The following NPR3 variants were observed in gnomAD, a reference collection of about 807,000 sequenced individuals.
The protein encoded by NPR3 is atrial natriuretic peptide receptor 3.
A neutral mutation model predicts 54.5 loss-of-function variants in NPR3; 34 were observed. The observed-to-expected ratio is 0.62, with a 90% CI of 0.47 to 0.83. The LOEUF is 0.83. Among genes scored for constraint, NPR3 ranks in the 40% least tolerant of loss-of-function variants. The pLI is 0.00. For missense variants in NPR3, 674 were observed against 720.8 expected, an observed-to-expected ratio of 0.94 and a Z score of 0.74; for synonymous variants, 289 against 297.1, an observed-to-expected ratio of 0.97 and a Z score of 0.28.
At chr5:32,735,850 G>A (rs1023148342) in intron 2 of NPR3, among the ~76,000 whole-genome samples, 16 of 152,174 alleles carry the variant, frequency 1.1e-4, no homozygotes, top group African/African-American at 3.6e-4. Context: ...GCAAGAAGTC[G>A]TAGTATCAGT....
chr5:32,781,484 C>T (rs775731623), intron 5 of NPR3, among the ~76,000 whole-genome samples: 5 of 152,226 alleles, frequency 3.3e-5, no homozygotes, highest in Admixed American at 6.5e-5. Flanking sequence ...GGCATTGCTC[C>T]GGTGCCCTTC....
At position 32,788,941 on chromosome 5, in the gene NPR3, G is replaced by A. The variant is rs989542060; in HGVS notation, c.*2596G>A. 1.3e-5 allele frequency: 2 copies of A among 152,348 alleles called. No homozygotes were observed. The highest frequency in any genetic ancestry group is 2.1e-4 in the South Asian group (1 of 4,836). The allele number at this position is 152,348 out of a possible 1,614,324, so 9.4% of individuals were successfully genotyped here. On this transcript the variant is annotated 3_prime_UTR_variant, in exon 8 of 8. Transcript: ENST00000265074. ...TAAGTTGGAAACCTTGGTTAAAAAT[G>A]TAGGTGCCTGGCCCATGGTTACCCT...
At chr5:32,760,732 T>C (rs2112012089) in intron 3 of NPR3, among the ~76,000 whole-genome samples, 1 of 152,192 alleles carries the variant, frequency 6.6e-6, no homozygotes, top group Admixed American at 6.5e-5. Context: ...GGTATCATCT[T>C]TAATAAAAAT....
At chr5:32,725,024 A>G (rs1288998987) in intron 2 of NPR3, among the ~76,000 whole-genome samples, 1 of 152,232 alleles carries the variant, frequency 6.6e-6, no homozygotes, top group East Asian at 1.9e-4. Context: ...ATGCAGGAAC[A>G]GAAAATCAAA....
chr5:32,783,264 A>C, intron 6 of NPR3: 1 of 414,480 alleles, frequency 2.4e-6, no homozygotes, highest in Non-Finnish European at 4.2e-6. Context: ...ATCTCTTACT[A>C]TAATCTCTTG....
intron 3 of NPR3, among the ~76,000 whole-genome samples, chr5:32,747,743 G>T (rs1005099347): frequency 2.2e-4 from 33 of 149,888 alleles, no homozygotes; most frequent in African/African-American, 8.1e-4. Flanking sequence ...TTTTGAAGAA[G>T]AAAGGAGGCA....
chr5:32,730,185 A>T (rs1217413975), intron 2 of NPR3, among the ~76,000 whole-genome samples: 1 of 151,406 alleles, frequency 6.6e-6, no homozygotes, highest in Non-Finnish European at 1.5e-5. Flanking sequence ...TTAATCCATC[A>T]AATTAAGGAA....
chr5:32,706,255 T>C (rs1737982573), upstream of NPR3, among the ~76,000 whole-genome samples: 1 of 152,174 alleles, frequency 6.6e-6, no homozygotes, highest in South Asian at 2.1e-4. Context: ...CAGATTCTGG[T>C]GCCATGCTTC....
At chr5:32,760,011 C>T (rs746262698) in intron 3 of NPR3, among the ~76,000 whole-genome samples, 1 of 151,902 alleles carries the variant, frequency 6.6e-6, no homozygotes, top group African/African-American at 2.4e-5. Context: ...GTGGGTTACC[C>T]GACTTTTCTC....
intron 3 of NPR3, among the ~76,000 whole-genome samples, chr5:32,747,282 G>A (rs1211048268): frequency 1.3e-5 from 2 of 152,062 alleles, no homozygotes; most frequent in African/African-American, 4.8e-5. Context: ...GCTCTTTTAT[G>A]TACTCTTTCT....
At chr5:32,722,505 C>T (rs1738917261) in intron 1 of NPR3, among the ~76,000 whole-genome samples, 1 of 152,176 alleles carries the variant, frequency 6.6e-6, no homozygotes. Context: ...GAAACTTGCC[C>T]CTAAGCAATG....
In NPR3 at chr5:32,782,936, G is replaced by T; in HGVS notation, c.1334G>T (p.Arg445Leu). The change falls in exon 6 of 8, where the codon CGG becomes CTG. Residue 445 changes from arginine (R) to leucine (L), a missense_variant. Arg to Leu is a moderately radical substitution (Grantham distance 102). Coordinates refer to ENST00000265074, the MANE Select transcript of NPR3 (RefSeq NM_001204375.2). ...YFGKEGRFEMRPNVKYPWGPL... is the reference protein window; with the variant it reads ...YFGKEGRFEMLPNVKYPWGPL... ...GGAAAAGAAGGTCGTTTTGAAATGC[G>T]GCCGAATGTCAAATATCCTTGGGGC... The T allele has an allele frequency of 6.2e-7, 1 of 1,611,654 alleles. No individual in the cohort carries two copies. The highest frequency in any genetic ancestry group is 8.5e-7 in the Non-Finnish European group (1 of 1,178,684).
intron 1 of NPR3, among the ~76,000 whole-genome samples, chr5:32,713,905 G>A (rs1474594127): frequency 3.3e-5 from 5 of 152,210 alleles, no homozygotes; most frequent in Non-Finnish European, 5.9e-5. Flanking sequence ...TGTCTGTGCC[G>A]AATTCCTACC....
intron 3 of NPR3, among the ~76,000 whole-genome samples, chr5:32,754,612 T>C (rs1740739053): frequency 6.6e-6 from 1 of 152,182 alleles, no homozygotes; most frequent in African/African-American, 2.4e-5. Flanking sequence ...TTAGTATTTA[T>C]CTTCTGATTT....
chr5:32,728,544 T>C (rs1227698259), intron 2 of NPR3, among the ~76,000 whole-genome samples: 1 of 151,542 alleles, frequency 6.6e-6, no homozygotes, highest in African/African-American at 2.4e-5. Flanking sequence ...CTTTATAGAA[T>C]TAATTGAGAT....
chr5:32,705,020 T>A (rs556560482), upstream of NPR3, among the ~76,000 whole-genome samples: 1 of 152,380 alleles, frequency 6.6e-6, no homozygotes, highest in East Asian at 1.9e-4. Context: ...AATTATTTTT[T>A]AACAAACTTA....
intron 3 of NPR3, among the ~76,000 whole-genome samples, 192 bp from the exon 4 acceptor site, chr5:32,774,516 C>G (rs531432799): frequency 7.2e-5 from 11 of 152,340 alleles, no homozygotes; most frequent in African/African-American, 2.6e-4. Context: ...AATTCCCCAA[C>G]TGGGGAAGGG....
At chr5:32,768,022 G>A (rs1741566964) in intron 3 of NPR3, among the ~76,000 whole-genome samples, 1 of 152,108 alleles carries the variant, frequency 6.6e-6, no homozygotes, top group African/African-American at 2.4e-5. Flanking sequence ...ATTGCTGCCC[G>A]GCACAGTTGC....
At chr5:32,710,678 C>T (rs1199105010), upstream of NPR3, 8 of 1,540,284 alleles carry the variant, frequency 5.2e-6, no homozygotes, top group African/African-American at 1.4e-5. Context: ...GCCATCTGCA[C>T]TGGGACCTTG....
Sources: allele counts gnomAD v4.1 joint callset (sites outside exome capture counted in the v4.1 genomes callset), GRCh38; gene constraint gnomAD v4.1.1; transcripts MANE v1.5; gene names NCBI Gene and HGNC (gene_info 2026-07-23, HGNC 2026-07-21).